Variants in TPD52L2 observed in about 807,000 individuals in gnomAD.
TPD52L2 encodes the protein TPD52 like 2.
In TPD52L2, 19 loss-of-function variants were observed where a neutral mutation model predicts 24.7. That is an observed-to-expected ratio of 0.77 (90% CI 0.54 to 1.13). TPD52L2 has a LOEUF of 1.13. TPD52L2 is among the 50% of genes most tolerant of loss of function. TPD52L2 has a pLI of 0.00. For missense variants in TPD52L2, 236 were observed against 250.4 expected, an observed-to-expected ratio of 0.94 and a Z score of 0.39; for synonymous variants, 104 against 100.2, an observed-to-expected ratio of 1.04 and a Z score of -0.23.
intron 5 of TPD52L2, among the ~76,000 whole-genome samples, chr20:63,883,660 G>A (rs1049731947): frequency 5.3e-5 from 8 of 152,206 alleles, no homozygotes; most frequent in Middle Eastern, 3.4e-3. Context: ...GGATCTCAGG[G>A]AGTGCCTCCC....
At chr20:63,871,880 C>T (rs747700025) in intron 2 of TPD52L2, among the ~76,000 whole-genome samples, 19 of 150,836 alleles carry the variant, frequency 1.3e-4, no homozygotes, top group Non-Finnish European at 2.2e-4. Flanking sequence ...GTGATCTGCC[C>T]GCCTCGGCCT....
chr20:63,873,274 G>C (rs1216346848), intron 2 of TPD52L2, among the ~76,000 whole-genome samples: 2 of 152,066 alleles, frequency 1.3e-5, no homozygotes, highest in African/African-American at 2.4e-5. Flanking sequence ...AGGATCACCT[G>C]AGGTTGGGAG....
chr20:63,868,361 A>C (rs1449056764), intron 1 of TPD52L2, among the ~76,000 whole-genome samples: 2 of 152,260 alleles, frequency 1.3e-5, no homozygotes, highest in African/African-American at 4.8e-5. Context: ...TGCATTTGAC[A>C]TGAAGAAAAA....
chr20:63,865,495 A>C lies in TPD52L2; in HGVS notation c.19+111A>C, dbSNP rs566782762. 197 of 1,380,360 alleles carry C rather than the reference A, an allele frequency of 1.4e-4. 1 individual carries two copies. The East Asian group carries it at 5.4e-3, about 38-fold the overall frequency. The allele number at this position is 1,380,360 out of a possible 1,614,324, so 85.5% of individuals were successfully genotyped here. A position where few individuals can be genotyped will look rare whatever the true frequency, so the allele number is the denominator to read the frequency against. Reference sequence around the variant, plus strand: ...CTGTCCTCTCGGTCTCGGTTCACCCACCCCGCGGCCCCTCTTCAGCTCCCG... The same window carrying C: ...CTGTCCTCTCGGTCTCGGTTCACCCCCCCCGCGGCCCCTCTTCAGCTCCCG... On this transcript the variant is annotated intron_variant, in intron 1 of 6. Transcript: ENST00000346249.
In TPD52L2 at chr20:63,890,984, C is replaced by T. The variant is rs1568967949; in HGVS notation, c.*1039C>T. ...CTCACATTCGTCAGTGACTCCAACC[C>T]TCCTGCTTGCTGTACTTGGGATGAA... On this transcript the variant is annotated 3_prime_UTR_variant, in exon 7 of 7. Coordinates refer to ENST00000346249, the MANE Select transcript of TPD52L2 (RefSeq NM_003288.4). 6.6e-6 allele frequency: 1 copy of T among 152,600 alleles called. No homozygotes were observed. 9.5% of individuals were successfully genotyped at this position (152,600 alleles called of 1,614,324 possible).
intron 4 of TPD52L2, 123 bp from the exon 5 acceptor site, chr20:63,882,596 C>T: frequency 1.3e-6 from 1 of 770,834 alleles, no homozygotes; most frequent in East Asian, 2.6e-5. Context: ...TGGCGAGTGT[C>T]CACCCCTTGG....
chr20:63,872,476 C>G (rs1229600791), intron 2 of TPD52L2, among the ~76,000 whole-genome samples: 1 of 151,402 alleles, frequency 6.6e-6, no homozygotes, highest in Non-Finnish European at 1.5e-5. Context: ...CTCCTGGGTT[C>G]AAACAGTTTT....
chr20:63,872,733 C>T lies in TPD52L2; in HGVS notation c.166-935C>T, dbSNP rs188386556. ...TTTTGTTTTGTTTGAGATGGAGTCT[C>T]GCTCTGTCACCCAGGCTGGAGTGCA... On this transcript the variant is annotated intron_variant, in intron 2 of 6. Transcript: ENST00000346249. Among the ~76,000 whole-genome samples, 505 of 150,260 alleles carry T rather than the reference C, an allele frequency of 3.4e-3. 1 individual carries two copies. The highest frequency in any genetic ancestry group is 5.1e-3 in the Non-Finnish European group (343 of 67,690).
intron 2 of TPD52L2, among the ~76,000 whole-genome samples, chr20:63,871,345 GA>G (rs1240402075): frequency 1.4e-5 from 2 of 143,842 alleles, no homozygotes; most frequent in Non-Finnish European, 3.0e-5. Flanking sequence ...ACCCAGCCAA[GA>G]AAGAGAATTT....
At chr20:63,887,308 C>A in intron 5 of TPD52L2, 1 of 605,018 alleles carries the variant, frequency 1.7e-6, no homozygotes, top group Non-Finnish European at 2.9e-6. Context: ...CTGGTCTCCT[C>A]ACAGCTTCCT....
At chr20:63,868,725 C>T (rs934459361) in intron 1 of TPD52L2, among the ~76,000 whole-genome samples, 7 of 152,236 alleles carry the variant, frequency 4.6e-5, no homozygotes, top group Non-Finnish European at 8.8e-5. Flanking sequence ...GGGCGGATCA[C>T]CCGAGGTCGG....
chr20:63,865,622 G>A (rs1271854073), intron 1 of TPD52L2, among the ~76,000 whole-genome samples: 17 of 152,174 alleles, frequency 1.1e-4, no homozygotes, highest in Admixed American at 1.1e-3. Context: ...GTCTCCCCTG[G>A]GACCGTTCCG....
rs1336012351 is a variant in TPD52L2 at position 63,875,113 on chromosome 20, G to A, written c.315-703G>A. On this transcript the variant is annotated intron_variant, in intron 3 of 6. Transcript: ENST00000346249. ...GCCAAAATTATGCCACTGCCCTCCA[G>A]CCTGGGTGACAGAGCAAGACTCTGT... Among the ~76,000 whole-genome samples the A allele has an allele frequency of 2.0e-5, 3 of 150,700 alleles. No homozygotes were observed. In the East Asian group the frequency reaches 5.9e-4, roughly 29 times the overall value.
rs577349868 is a variant in TPD52L2, at chr20:63,882,545, G to A, written c.375-174G>A. 8.5e-5 allele frequency among the ~76,000 whole-genome samples: 13 copies of A among 152,376 alleles called. No individual in the cohort carries two copies. In the East Asian group the frequency reaches 2.5e-3, roughly 29 times the overall value. On this transcript the variant is annotated intron_variant, in intron 4 of 6. Coordinates refer to ENST00000346249, the MANE Select transcript of TPD52L2 (RefSeq NM_003288.4). The stretch of plus-strand genomic sequence containing the variant: ...GGCTCCTCGCCGCAGGGGCCTCTGG[G>A]GGCCGAGGGGCTCTGGGCCTGCACC...
chr20:63,888,929 C>A (rs1600845457), intron 5 of TPD52L2: 1 of 560,152 alleles, frequency 1.8e-6, no homozygotes, highest in Non-Finnish European at 3.2e-6. Flanking sequence ...GCCGACATCT[C>A]CCCAGCTGCA....
In TPD52L2 at chr20:63,884,856, G is replaced by A. The variant is rs560163107; in HGVS notation, c.476+2036G>A. On this transcript the variant is annotated intron_variant, in intron 5 of 6. Transcript: ENST00000346249. ...GCCAGCTCGCTCCAGTTGGCTGGCC[G>A]TGTTCACGGTGCCCGTGGAGGGTCC... is the stretch of plus-strand genomic sequence containing the variant. 5.9e-5 allele frequency among the ~76,000 whole-genome samples: 9 copies of A among 152,358 alleles called. No homozygotes were observed. In the East Asian group the frequency reaches 1.7e-3, roughly 29 times the overall value.
chr20:63,875,257 A>G (rs561334831), intron 3 of TPD52L2, among the ~76,000 whole-genome samples: 1 of 152,038 alleles, frequency 6.6e-6, no homozygotes, highest in African/African-American at 2.4e-5. Context: ...ACGTGGTCCT[A>G]TAACCCTGGG....
intron 4 of TPD52L2, among the ~76,000 whole-genome samples, chr20:63,880,471 C>T (rs2052850486): frequency 6.6e-6 from 1 of 152,272 alleles, no homozygotes; most frequent in Non-Finnish European, 1.5e-5. Flanking sequence ...GGCACAAATG[C>T]AGGTGCTGTG....
chr20:63,886,365 C>CTT (rs536322547), intron 5 of TPD52L2, among the ~76,000 whole-genome samples: 37 of 142,900 alleles, frequency 2.6e-4, no homozygotes, highest in Non-Finnish European at 4.3e-4. Context: ...TGAAAAGGAG[C>CTT]TTTTTTTTTT....
Sources: gnomAD v4.1 joint callset for allele counts (sites outside exome capture counted in the v4.1 genomes callset) on GRCh38, gnomAD v4.1.1 for gene constraint, MANE v1.5 for transcripts, NCBI Gene and HGNC (gene_info 2026-07-23, HGNC 2026-07-21) for gene names.